Variants in CAPN2 observed in about 807,000 individuals in gnomAD.
The protein encoded by CAPN2 is calpain 2, also known as calpain-2 catalytic subunit.
CAPN2 carries 92 observed loss-of-function variants against 102.3 expected under a neutral mutation model. The ratio of observed to expected loss-of-function variants is 0.90; its 90% confidence interval spans 0.76 to 1.07. CAPN2 has a LOEUF of 1.07. Among genes scored for constraint, CAPN2 ranks in the 50% least tolerant of loss-of-function variants. The probability of loss-of-function intolerance (pLI) is 0.00; values close to 1 mark genes in which losing one functional copy is unlikely to be tolerated. For synonymous variants in CAPN2, 340 were observed against 355.4 expected, an observed-to-expected ratio of 0.96 and a Z score of 0.49; for missense variants, 800 against 909.4, an observed-to-expected ratio of 0.88 and a Z score of 1.55.
rs1321909303 is a variant in CAPN2, at chr1:223,727,275, G to A, written c.307+9444G>A. Among the ~76,000 whole-genome samples, 1 of 152,236 alleles carries A rather than the reference G, an allele frequency of 6.6e-6. No homozygotes were observed. Among genetic ancestry groups the A allele is most frequent in the Non-Finnish European group, 1.5e-5 (1 of 68,052 alleles). On this transcript the variant is annotated intron_variant, in intron 2 of 20. Transcript: ENST00000295006. This position sits in a 1 kb window ranked among gnomAD's most constrained non-coding sequence, Gnocchi z 4.1. ...ATAACGCAAAACAGGTACGATTTGA[G>A]ATCCATCAGGGTTTCTCAACCTTGG... is the stretch of plus-strand genomic sequence containing the variant.
upstream of CAPN2, among the ~76,000 whole-genome samples, chr1:223,709,241 G>A (rs561911349): frequency 3.9e-5 from 6 of 152,180 alleles, no homozygotes; most frequent in African/African-American, 7.2e-5. Context: ...TCAAGCAAAG[G>A]GGGTAAGCAA....
chr1:223,701,759 TCC>T lies in CAPN2; in HGVS notation c.-68_-67del, dbSNP rs559521452. On this transcript the variant is annotated 5_prime_UTR_variant, in exon 1 of 21. Transcript: ENST00000433674. ...CAGGTGCAGTGGTTCACGCCTGTAA[TCC>T]CAACACTTTGGGAGGCCGAGGCAGA... is the stretch of plus-strand genomic sequence containing the variant. The T allele has an allele frequency of 5.1e-3, 776 of 152,094 alleles. 3 individuals carry two copies. The highest frequency in any genetic ancestry group is 5.6e-3 in the Non-Finnish European group (382 of 68,126). 9.4% of individuals were successfully genotyped at this position (152,094 alleles called of 1,614,324 possible).
intron 6 of CAPN2, 177 bp downstream of exon 6, chr1:223,749,299 G>A: frequency 3.3e-6 from 2 of 603,624 alleles, no homozygotes; most frequent in Non-Finnish European, 5.8e-6. Flanking sequence ...CAGCTCGGGC[G>A]CCGGGTGCGC....
intron 2 of CAPN2, among the ~76,000 whole-genome samples, chr1:223,739,963 C>T (rs893970187): frequency 6.6e-6 from 1 of 152,222 alleles, no homozygotes; most frequent in African/African-American, 2.4e-5. Flanking sequence ...CAGGAAGAGA[C>T]GTCATGGACT....
intron 2 of CAPN2, among the ~76,000 whole-genome samples, chr1:223,741,881 G>T (rs1209303594): frequency 6.6e-6 from 1 of 151,596 alleles, no homozygotes; most frequent in African/African-American, 2.4e-5. Context: ...GGTTTAAGCA[G>T]TTCTCCTGCC....
chr1:223,722,541 T>G (rs1444793718), intron 2 of CAPN2, among the ~76,000 whole-genome samples: 1 of 152,052 alleles, frequency 6.6e-6, no homozygotes, highest in Admixed American at 6.6e-5. Flanking sequence ...TCCTTCTGCC[T>G]TATCCTCCCA....
intron 14 of CAPN2, among the ~76,000 whole-genome samples, chr1:223,762,790 G>A (rs916297093): frequency 5.9e-5 from 9 of 151,776 alleles, no homozygotes; most frequent in African/African-American, 1.9e-4. Context: ...AAGAGATCTT[G>A]CCACCTTAGT....
In CAPN2 at chr1:223,731,339, C is replaced by T. The variant is rs1660329904; in HGVS notation, c.308-12761C>T. Among the ~76,000 whole-genome samples the T allele has an allele frequency of 6.6e-6, 1 of 152,166 alleles. No individual in the cohort carries two copies. Among genetic ancestry groups the T allele is most frequent in the African/African-American group, 2.4e-5 (1 of 41,430 alleles). ...ACCCAATCCGCCTAGCCCCAGCCCT[C>T]TCCAGTTCCCAATGCCCAGCCCCAC... On this transcript the variant is annotated intron_variant, in intron 2 of 20. Transcript: ENST00000295006. This position sits in a 1 kb window ranked among gnomAD's most constrained non-coding sequence, Gnocchi z 4.2.
chr1:223,731,160 C>T lies in CAPN2; in HGVS notation c.308-12940C>T, dbSNP rs1028033772. 2.0e-5 allele frequency among the ~76,000 whole-genome samples: 3 copies of T among 152,034 alleles called. No homozygotes were observed. Among genetic ancestry groups the T allele is most frequent in the African/African-American group, 4.8e-5 (2 of 41,352 alleles). The stretch of plus-strand genomic sequence containing the variant: ...AGGGAGAGTTGGAAGGAAGGTTTCC[C>T]ACAAAGAGGAAGCAGGGAGTGATTC... On this transcript the variant is annotated intron_variant, in intron 2 of 20. Transcript: ENST00000295006. The surrounding 1 kb of genome is among the most constrained non-coding windows in gnomAD (Gnocchi z 4.2).
chr1:223,769,991 A>T, intron 17 of CAPN2, 82 bp downstream of exon 17: 1 of 1,077,434 alleles, frequency 9.3e-7, no homozygotes, highest in Non-Finnish European at 1.4e-6. Context: ...TCCTGCACAG[A>T]GTGGAGAAAC....
At chr1:223,760,289 A>G (rs1381436643) in intron 12 of CAPN2, among the ~76,000 whole-genome samples, 8 of 152,084 alleles carry the variant, frequency 5.3e-5, no homozygotes, top group Admixed American at 1.3e-4. Flanking sequence ...AGGTCTAAAG[A>G]TCTTGTGGAG....
intron 19 of CAPN2, 62 bp from the exon 20 acceptor site, chr1:223,772,119 G>A: frequency 6.7e-7 from 1 of 1,486,568 alleles, no homozygotes; most frequent in Non-Finnish European, 9.4e-7. Context: ...GAACTGAAAA[G>A]AGGATAATGT....
At chr1:223,729,313 C>T (rs1263173423) in intron 2 of CAPN2, among the ~76,000 whole-genome samples, 1 of 152,180 alleles carries the variant, frequency 6.6e-6, no homozygotes, top group Non-Finnish European at 1.5e-5. Context: ...ACAGGCTTTG[C>T]CTCCTTAGAT....
chr1:223,722,508 C>T (rs1660079363), intron 2 of CAPN2, among the ~76,000 whole-genome samples: 1 of 151,840 alleles, frequency 6.6e-6, no homozygotes, highest in African/African-American at 2.4e-5. Flanking sequence ...CCAGGCTGGT[C>T]TCAAGTTCCT....
intron 14 of CAPN2, among the ~76,000 whole-genome samples, chr1:223,763,569 G>A (rs1362240520): frequency 6.6e-6 from 1 of 152,236 alleles, no homozygotes; most frequent in South Asian, 2.1e-4. Context: ...GAGGAGGGCC[G>A]GCTAGGTCTT....
chr1:223,733,286 A>C (rs1033925579), intron 2 of CAPN2, among the ~76,000 whole-genome samples: 1 of 152,084 alleles, frequency 6.6e-6, no homozygotes, highest in African/African-American at 2.4e-5. Flanking sequence ...AGAAGGAGAA[A>C]ATGCAGAGCA....
Position 223,731,683 on chromosome 1 carries a change from GGA to G in CAPN2, c.308-12416_308-12415del, listed in dbSNP as rs1484594786. Reference sequence around the variant, plus strand: ...AAGGAGCCTGAGACTAGATTGGAGGGGAAAGAGACATGTCCTCCAGAGTTGAC... The same window carrying G: ...AAGGAGCCTGAGACTAGATTGGAGGGAAGAGACATGTCCTCCAGAGTTGAC... On this transcript the variant is annotated intron_variant, in intron 2 of 20. Transcript: ENST00000295006. This position sits in a 1 kb window ranked among gnomAD's most constrained non-coding sequence, Gnocchi z 4.2. Among the ~76,000 whole-genome samples, 1 of 152,254 alleles carries G rather than the reference GGA, an allele frequency of 6.6e-6. No homozygotes were observed. The highest frequency in any genetic ancestry group is 2.4e-5 in the African/African-American group (1 of 41,468).
intron 2 of CAPN2, among the ~76,000 whole-genome samples, chr1:223,721,958 T>G (rs1353538178): frequency 6.6e-6 from 1 of 152,196 alleles, no homozygotes; most frequent in Non-Finnish European, 1.5e-5. Flanking sequence ...ATTCCAGTTA[T>G]GTGAAAAGTC....
At chr1:223,767,175 T>C (rs1321573280) in intron 16 of CAPN2, among the ~76,000 whole-genome samples, 5 of 110,440 alleles carry the variant, frequency 4.5e-5, no homozygotes, top group Admixed American at 1.0e-4. Context: ...TCGTCTTCTT[T>C]ATTTATTTAT....
Sources: gnomAD v4.1 joint callset for allele counts (sites outside exome capture counted in the v4.1 genomes callset) on GRCh38, gnomAD v4.1.1 for gene constraint, Gnocchi (gnomAD v3.1) non-coding constraint, MANE v1.5 for transcripts, NCBI Gene and HGNC (gene_info 2026-07-23, HGNC 2026-07-21) for gene names.